LCORL: variants seen among roughly 807,000 people sequenced by gnomAD.
The protein encoded by LCORL is ligand dependent nuclear receptor corepressor like.
A neutral mutation model predicts 141.8 loss-of-function variants in LCORL; 41 were observed. The observed-to-expected ratio is 0.29, with a 90% confidence interval of 0.23 to 0.38. LCORL has a LOEUF of 0.38. Among genes scored for constraint, LCORL ranks in the 10% least tolerant of loss-of-function variants. The probability of loss-of-function intolerance (pLI) is 1.00; values close to 1 mark genes in which losing one functional copy is unlikely to be tolerated. For synonymous variants in LCORL, 618 were observed against 694.1 expected, an observed-to-expected ratio of 0.89 and a Z score of 1.72; for missense variants, 1,759 against 2,035.0, an observed-to-expected ratio of 0.86 and a Z score of 2.61.
At chr4:18,017,603 C>T (rs189604702) in intron 1 of LCORL, among the ~76,000 whole-genome samples, 2 of 152,072 alleles carry the variant, frequency 1.3e-5, no homozygotes, top group Non-Finnish European at 2.9e-5. Flanking sequence ...AATTGAGGGA[C>T]ATTCTACAAA....
At chr4:17,857,707 A>G (rs1031050568) in intron 7 of LCORL, among the ~76,000 whole-genome samples, 5 of 152,256 alleles carry the variant, frequency 3.3e-5, no homozygotes, top group Non-Finnish European at 5.9e-5. Context: ...CTAGATGCCA[A>G]TAGCACCTTC....
chr4:17,912,428 T>C (rs1560330725), intron 4 of LCORL: 1 of 601,280 alleles, frequency 1.7e-6, no homozygotes. Context: ...TCTCAGGACC[T>C]TGCCAAGATC....
chr4:18,016,905 G>C (rs1435872266), intron 1 of LCORL, among the ~76,000 whole-genome samples: 1 of 152,024 alleles, frequency 6.6e-6, no homozygotes, highest in Non-Finnish European at 1.5e-5. Flanking sequence ...ATCAGCTTCT[G>C]TATCATAAAA....
At chr4:17,911,864 C>A in intron 4 of LCORL, 1 of 466,656 alleles carries the variant, frequency 2.1e-6, no homozygotes. Context: ...GGGGACCTGG[C>A]CGTGGGGATG....
chr4:17,893,474 CAT>C, intron 5 of LCORL: 7 of 985,240 alleles, frequency 7.1e-6, no homozygotes, highest in Non-Finnish European at 7.2e-6. Context: ...ATATATATCT[CAT>C]GTGGTAGGTC....
At chr4:17,880,733 C>A (rs1056388071) in intron 6 of LCORL, 1 of 969,320 alleles carries the variant, frequency 1.0e-6, no homozygotes, top group Non-Finnish European at 1.2e-6. Flanking sequence ...GTTAACTGAA[C>A]AATTAAAATT....
chr4:17,873,779 A>G (rs1726628388), exon 7 of LCORL: 2 of 1,233,954 alleles, frequency 1.6e-6, no homozygotes, highest in African/African-American at 1.6e-5. Flanking sequence ...TTCTGTGTTC[A>G]AGACAGTTGA....
At chr4:17,889,679 GA>G (rs1189914487) in intron 5 of LCORL, among the ~76,000 whole-genome samples, 1 of 145,764 alleles carries the variant, frequency 6.9e-6, no homozygotes, top group Non-Finnish European at 1.5e-5. Flanking sequence ...GTCTGAATTA[GA>G]AAAACAAAAA....
At chr4:17,990,391 G>A (rs370829039) in intron 1 of LCORL, among the ~76,000 whole-genome samples, 1,776 of 151,896 alleles carry the variant, frequency 0.012, 34 homozygotes, top group African/African-American at 0.041. Flanking sequence ...GAGCCACCAC[G>A]CCTGGCCAAA....
intron 5 of LCORL, among the ~76,000 whole-genome samples, chr4:17,897,213 C>CTTTTTTTTTT (rs761784734): frequency 3.1e-5 from 2 of 63,996 alleles, no homozygotes; most frequent in African/African-American, 1.2e-4. Context: ...ATACTGATTT[C>CTTTTTTTTTT]TTTTTTTTTT....
intron 5 of LCORL, among the ~76,000 whole-genome samples, chr4:17,898,240 A>C (rs908210303): frequency 6.6e-6 from 1 of 152,198 alleles, no homozygotes; most frequent in Non-Finnish European, 1.5e-5. Flanking sequence ...AATGTATTTC[A>C]CTAAGAATGT....
chr4:17,869,207 C>CT (rs1329077786), intron 7 of LCORL, among the ~76,000 whole-genome samples: 1 of 152,052 alleles, frequency 6.6e-6, no homozygotes, highest in African/African-American at 2.4e-5. Context: ...TCCCTATTGG[C>CT]TTTTTTCCAT....
exon 7 of LCORL, chr4:17,876,553 T>G (rs1726944695): frequency 8.1e-7 from 1 of 1,230,984 alleles, no homozygotes; most frequent in Non-Finnish European, 1.0e-6. Context: ...ATGTGAATAT[T>G]TTTCACTGGA....
intron 1 of LCORL, among the ~76,000 whole-genome samples, chr4:17,977,438 C>T (rs1275436750): frequency 1.3e-5 from 2 of 151,972 alleles, no homozygotes; most frequent in Non-Finnish European, 2.9e-5. Context: ...CTTTTGCTTT[C>T]TTCTAAAAAA....
chr4:17,911,871 G>T (rs1732600768), intron 4 of LCORL: 1 of 471,316 alleles, frequency 2.1e-6, no homozygotes, highest in Admixed American at 2.6e-5. Context: ...TGGCCGTGGG[G>T]ATGGCCGGGG....
intron 4 of LCORL, among the ~76,000 whole-genome samples, chr4:17,911,193 T>C (rs2109334154): frequency 6.6e-6 from 1 of 152,254 alleles, no homozygotes; most frequent in South Asian, 2.1e-4. Context: ...GGCATATTAA[T>C]AGTCCAGTAA....
At chr4:18,005,614 A>C (rs2109846749) in intron 1 of LCORL, among the ~76,000 whole-genome samples, 1 of 152,338 alleles carries the variant, frequency 6.6e-6, no homozygotes, top group East Asian at 1.9e-4. Context: ...TCTGAAATCT[A>C]GGCAGAGGTT....
chr4:17,897,254 G>A (rs1430909599), intron 5 of LCORL, among the ~76,000 whole-genome samples: 1 of 51,372 alleles, frequency 1.9e-5, no homozygotes, highest in East Asian at 5.3e-4. Flanking sequence ...TTTTTTTTAG[G>A]GTATATACCT....
chr4:17,867,241 T>C (rs2109150818), intron 7 of LCORL, among the ~76,000 whole-genome samples: 1 of 152,228 alleles, frequency 6.6e-6, no homozygotes, highest in East Asian at 1.9e-4. Context: ...ATGACCTTAA[T>C]ATATTTTTTA....
Sources: gnomAD v4.1 joint callset for allele counts (sites outside exome capture counted in the v4.1 genomes callset) on GRCh38, gnomAD v4.1.1 for gene constraint, MANE v1.5 for transcripts, NCBI Gene and HGNC (gene_info 2026-07-23, HGNC 2026-07-21) for gene names.